Variants in BCL11B observed in about 807,000 individuals in gnomAD.
BCL11B encodes BCL11 transcription factor B, also known as B-cell lymphoma/leukemia 11B.
Under a neutral mutation model 49.9 loss-of-function variants are expected in BCL11B, and 8 were observed. That is an observed-to-expected ratio of 0.16 (90% CI 0.09 to 0.29). BCL11B has a LOEUF of 0.29. Ranked by LOEUF, BCL11B falls within the 10% of genes least tolerant of loss-of-function variation. The pLI is 1.00. For synonymous variants in BCL11B, 739 were observed against 637.4 expected (o/e 1.16, Z -2.40); for missense variants, 1,006 against 1,351.0 (o/e 0.74, Z 4.00).
At chr14:99,197,215 A>T (rs1041257090) in intron 3 of BCL11B, among the ~76,000 whole-genome samples, 1 of 152,156 alleles carries the variant, frequency 6.6e-6, no homozygotes, top group Admixed American at 6.5e-5. Flanking sequence ...CTAGGGATAC[A>T]GTTGGTGGCA....
chr14:99,175,989 G>A lies in BCL11B; in HGVS notation c.847C>T (p.Leu283=). Residue 283 remains leucine, a synonymous_variant, in exon 4 of 4, where the codon CTG becomes TTG. Coordinates refer to ENST00000357195, the MANE Select transcript of BCL11B (RefSeq NM_138576.4). ...AVAQSPLMNF[L]GDSNPFNLLR... is the part of the protein sequence containing the mutation. ...AGGTTGAAGGGGTTGCTGTCGCCCA[G>A]GAAATTCATGAGCGGGGACTGCGCC... The A allele has an allele frequency of 6.6e-7, 1 of 1,515,330 alleles. No individual in the cohort carries two copies. The highest frequency in any genetic ancestry group is 8.8e-7 in the Non-Finnish European group (1 of 1,131,894). 93.9% of individuals were successfully genotyped at this position (1,515,330 alleles called of 1,614,324 possible). A position where few individuals can be genotyped will look rare whatever the true frequency, so the allele number is the denominator to read the frequency against.
Position 99,175,578 on chromosome 14 carries a change from G to T in BCL11B, c.1258C>A (p.Pro420Thr). ...GACTTGCTCTTGGCTGGCGGCTGCGGGGGCGGCGTGCCGCCAGGGGGCATG... is the reference window on the plus strand; with the variant it reads ...GACTTGCTCTTGGCTGGCGGCTGCGTGGGCGGCGTGCCGCCAGGGGGCATG... Reference protein sequence around the residue: ...PPMPPGGTPPPQPPAKSKSCE... With the variant: ...PPMPPGGTPPTQPPAKSKSCE... Residue 420 changes from proline to threonine, a missense_variant, in exon 4 of 4, where the codon CCG becomes ACG. Pro to Thr is a conservative substitution (Grantham distance 38). Coordinates refer to ENST00000357195, the MANE Select transcript of BCL11B (RefSeq NM_138576.4). 1 of 1,585,252 alleles carries T rather than the reference G, an allele frequency of 6.3e-7. No homozygotes were observed. Among genetic ancestry groups the T allele is most frequent in the Middle Eastern group, 1.7e-4 (1 of 5,948 alleles).
chr14:99,243,200 C>T (rs1379168694), intron 2 of BCL11B, among the ~76,000 whole-genome samples: 1 of 152,144 alleles, frequency 6.6e-6, no homozygotes, highest in Non-Finnish European at 1.5e-5. Flanking sequence ...TAACAAGGAG[C>T]TGGGGTGGGG....
Position 99,257,014 on chromosome 14 carries a change from C to T in BCL11B, c.427+457G>A, listed in dbSNP as rs751767243. Among the ~76,000 whole-genome samples the T allele has an allele frequency of 6.6e-6, 1 of 152,214 alleles. No homozygotes were observed. The highest frequency in any genetic ancestry group is 1.5e-5 in the Non-Finnish European group (1 of 68,036). Reference sequence around the variant, plus strand: ...CCAGGTCATGCCGCATGCAACAGCTCATTCGTCCTCACAGCAACCCTAATG... The same window carrying T: ...CCAGGTCATGCCGCATGCAACAGCTTATTCGTCCTCACAGCAACCCTAATG... On this transcript the variant is annotated intron_variant, in intron 2 of 3. Transcript: ENST00000357195. This position sits in a 1 kb window ranked among gnomAD's most constrained non-coding sequence, Gnocchi z 6.2.
chr14:99,188,860 C>G (rs1288578624), intron 3 of BCL11B, among the ~76,000 whole-genome samples: 1 of 152,234 alleles, frequency 6.6e-6, no homozygotes, highest in Non-Finnish European at 1.5e-5. Flanking sequence ...TGCTGTCGGC[C>G]CAGGTTAACC....
chr14:99,229,684 G>T (rs1205052118), intron 3 of BCL11B, among the ~76,000 whole-genome samples: 1 of 152,188 alleles, frequency 6.6e-6, no homozygotes, highest in Non-Finnish European at 1.5e-5. Flanking sequence ...GTTAAGCAAA[G>T]CCCTGGGTGA....
rs750246852 is a variant in BCL11B, at chr14:99,205,790, GAGC to G, written c.640+25552_640+25554del. Among the ~76,000 whole-genome samples, 1 of 152,144 alleles carries G rather than the reference GAGC, an allele frequency of 6.6e-6. No individual in the cohort carries two copies. The highest frequency in any genetic ancestry group is 1.5e-5 in the Non-Finnish European group (1 of 68,024). Reference sequence around the variant, plus strand: ...TAACAGCACACATACCAGTTCCCGGGAGCAGTATGGTTCTTGACCACGGTGGAC... The same window carrying G: ...TAACAGCACACATACCAGTTCCCGGGAGTATGGTTCTTGACCACGGTGGAC... On this transcript the variant is annotated intron_variant, in intron 3 of 3. Transcript: ENST00000357195. This position sits in a 1 kb window ranked among gnomAD's most constrained non-coding sequence, Gnocchi z 5.0.
intron 3 of BCL11B, among the ~76,000 whole-genome samples, chr14:99,225,433 G>A (rs189809118): frequency 8.5e-5 from 13 of 152,300 alleles, no homozygotes; most frequent in East Asian, 1.9e-4. Context: ...GCCACTTTCC[G>A]AGTCCCTTTA....
At chr14:99,189,423 C>G (rs1477294965) in intron 3 of BCL11B, among the ~76,000 whole-genome samples, 3 of 152,254 alleles carry the variant, frequency 2.0e-5, no homozygotes, top group Non-Finnish European at 4.4e-5. Flanking sequence ...ACACTACATG[C>G]ACACACACAT....
intron 2 of BCL11B, among the ~76,000 whole-genome samples, chr14:99,254,174 C>T (rs2139945430): frequency 6.6e-6 from 1 of 152,360 alleles, no homozygotes; most frequent in African/African-American, 2.4e-5. Flanking sequence ...GCCCCAGGTG[C>T]TCAGTTGCTG....
At chr14:99,220,864 A>T (rs898118804) in intron 3 of BCL11B, among the ~76,000 whole-genome samples, 1 of 151,896 alleles carries the variant, frequency 6.6e-6, no homozygotes, top group Non-Finnish European at 1.5e-5. Context: ...TATTTTTTTT[A>T]TTTTTAGACA....
chr14:99,236,183 C>A (rs1349735886), intron 2 of BCL11B, among the ~76,000 whole-genome samples: 1 of 152,148 alleles, frequency 6.6e-6, no homozygotes. Context: ...ACGTACTGTG[C>A]AGGAAAGGCA....
At chr14:99,203,827 G>A (rs74952768) in intron 3 of BCL11B, among the ~76,000 whole-genome samples, 4,138 of 152,228 alleles carry the variant, frequency 0.027, 80 homozygotes, top group Non-Finnish European at 0.042. Flanking sequence ...ATAGAGGGCT[G>A]GGGGCCGGGG....
In BCL11B at chr14:99,247,333, A is replaced by C. The variant is rs1018926935; in HGVS notation, c.427+10138T>G. ...GCTTTGAACTTGAGGTGGGAGGAGA[A>C]AAGAACCCGCTCCAGCCCCAGGAAA... On this transcript the variant is annotated intron_variant, in intron 2 of 3. Transcript: ENST00000357195. This position sits in a 1 kb window ranked among gnomAD's most constrained non-coding sequence, Gnocchi z 4.5. 1.3e-5 allele frequency among the ~76,000 whole-genome samples: 2 copies of C among 152,170 alleles called. No homozygotes were observed. Among genetic ancestry groups the C allele is most frequent in the African/African-American group, 4.8e-5 (2 of 41,446 alleles).
chr14:99,204,270 G>A (rs550954085), intron 3 of BCL11B, among the ~76,000 whole-genome samples: 1 of 152,166 alleles, frequency 6.6e-6, no homozygotes, highest in African/African-American at 2.4e-5. Context: ...CTGTGGACTC[G>A]TCTTTCCAGG....
At chr14:99,255,405 G>GAAAAAAAAAAAA in intron 2 of BCL11B, among the ~76,000 whole-genome samples, 1 of 65,168 alleles carries the variant, frequency 1.5e-5, no homozygotes, top group South Asian at 7.7e-4. Context: ...TCACAACCTG[G>GAAAAAAAAAAAA]AAAAAAAAAA....
intron 2 of BCL11B, among the ~76,000 whole-genome samples, chr14:99,255,852 T>G (rs1889148216): frequency 6.6e-6 from 1 of 152,208 alleles, no homozygotes; most frequent in Admixed American, 6.5e-5. Flanking sequence ...GCCGGTGGCC[T>G]GGACATGTCT....
chr14:99,261,064 G>T (rs185308977), intron 1 of BCL11B, among the ~76,000 whole-genome samples: 126 of 152,300 alleles, frequency 8.3e-4, no homozygotes, highest in African/African-American at 2.9e-3. Context: ...AAAGAACGGG[G>T]TTTCCTCTCC....
intron 2 of BCL11B, among the ~76,000 whole-genome samples, chr14:99,256,924 T>C (rs1889180235): frequency 1.3e-5 from 2 of 151,874 alleles, no homozygotes; most frequent in African/African-American, 4.8e-5. Context: ...ATTTCACACA[T>C]GGGAAACTGA....
Sources: allele counts gnomAD v4.1 joint callset (sites outside exome capture counted in the v4.1 genomes callset), GRCh38; gene constraint gnomAD v4.1.1; non-coding constraint Gnocchi (gnomAD v3.1); transcripts MANE v1.5; gene names NCBI Gene and HGNC (gene_info 2026-07-23, HGNC 2026-07-21).